Variants in ITSN1 observed in about 807,000 individuals in gnomAD.
The protein encoded by ITSN1 is intersectin-1.
A neutral mutation model predicts 239.8 loss-of-function variants in ITSN1; 58 were observed. That is an observed-to-expected ratio of 0.24 (90% CI 0.20 to 0.30). The LOEUF (loss-of-function observed/expected upper bound fraction) is 0.30. Among genes scored for constraint, ITSN1 ranks in the 10% least tolerant of loss-of-function variants. The pLI is 1.00. For missense variants in ITSN1, 1,558 were observed against 2,103.3 expected, an observed-to-expected ratio of 0.74 and a Z score of 5.07; for synonymous variants, 780 against 770.8, an observed-to-expected ratio of 1.01 and a Z score of -0.20.
intron 16 of ITSN1, among the ~76,000 whole-genome samples, chr21:33,789,806 A>AAACCTGAG (rs1188224724): frequency 6.6e-6 from 1 of 152,224 alleles, no homozygotes; most frequent in African/African-American, 2.4e-5. Flanking sequence ...CTTCTTCAGT[A>AAACCTGAG]AACCTGAGCC....
intron 5 of ITSN1, among the ~76,000 whole-genome samples, chr21:33,749,046 C>T (rs985718665): frequency 5.0e-4 from 75 of 149,270 alleles, no homozygotes; most frequent in African/African-American, 1.6e-3. Context: ...TGGAGTACTG[C>T]GGTGTGATTG....
chr21:33,784,662 A>G (rs1018624863), intron 16 of ITSN1, among the ~76,000 whole-genome samples: 1 of 152,254 alleles, frequency 6.6e-6, no homozygotes, highest in South Asian at 2.1e-4. Flanking sequence ...AAACAATTAA[A>G]TTGGAGAATC....
chr21:33,821,895 G>A (rs1477866755), intron 24 of ITSN1, among the ~76,000 whole-genome samples: 1 of 152,204 alleles, frequency 6.6e-6, no homozygotes, highest in Non-Finnish European at 1.5e-5. Flanking sequence ...AAATGAAAAG[G>A]GAAGGGTGAG....
intron 5 of ITSN1, among the ~76,000 whole-genome samples, chr21:33,737,431 G>A (rs1175958652): frequency 6.6e-6 from 1 of 152,098 alleles, no homozygotes; most frequent in East Asian, 1.9e-4. Context: ...GAAGTTACCA[G>A]TATATGATCT....
intron 1 of ITSN1, among the ~76,000 whole-genome samples, chr21:33,658,567 T>A (rs535734547): frequency 6.6e-6 from 1 of 152,332 alleles, no homozygotes; most frequent in East Asian, 1.9e-4. Context: ...TGTTACAATC[T>A]TACGGGACCA....
chr21:33,870,663 C>T (rs1982553856), intron 33 of ITSN1, among the ~76,000 whole-genome samples: 1 of 152,338 alleles, frequency 6.6e-6, no homozygotes, highest in African/African-American at 2.4e-5. Flanking sequence ...TAGTGGCTCA[C>T]ACCCATAATA....
At chr21:33,703,382 T>C (rs1394170771) in intron 1 of ITSN1, among the ~76,000 whole-genome samples, 2 of 152,132 alleles carry the variant, frequency 1.3e-5, no homozygotes, top group Non-Finnish European at 2.9e-5. Context: ...TGAAGAAAGA[T>C]TAAAGACTTC....
intron 6 of ITSN1, among the ~76,000 whole-genome samples, chr21:33,750,955 G>T (rs1018272087): frequency 5.9e-5 from 9 of 152,132 alleles, no homozygotes; most frequent in African/African-American, 1.2e-4. Flanking sequence ...TATTTTTAAA[G>T]TACTTTGACT....
rs542176990 is a variant in ITSN1 at position 33,744,795 on chromosome 21, A to G, written c.347-5348A>G. 9.9e-5 allele frequency among the ~76,000 whole-genome samples: 15 copies of G among 152,216 alleles called. 1 individual carries two copies. Among genetic ancestry groups the G allele is most frequent in the Non-Finnish European group, 2.2e-4 (15 of 68,030 alleles). ...AGAATGATAATGTGCCATGAATTAAAACTCAATAAATATTTGTAAATTTAT... is the reference window on the plus strand; with the variant it reads ...AGAATGATAATGTGCCATGAATTAAGACTCAATAAATATTTGTAAATTTAT... On this transcript the variant is annotated intron_variant, in intron 5 of 39. Coordinates refer to ENST00000381318, the MANE Select transcript of ITSN1 (RefSeq NM_003024.3).
chr21:33,659,104 C>T (rs1194869262), intron 1 of ITSN1, among the ~76,000 whole-genome samples: 1 of 152,196 alleles, frequency 6.6e-6, no homozygotes, highest in Non-Finnish European at 1.5e-5. Context: ...AAATTGAGTT[C>T]AGTCACGTGG....
At chr21:33,656,442 C>G (rs1051467431) in intron 1 of ITSN1, among the ~76,000 whole-genome samples, 2 of 152,178 alleles carry the variant, frequency 1.3e-5, no homozygotes, top group Non-Finnish European at 2.9e-5. Context: ...TGACCTCATG[C>G]AAAAACCAAT....
intron 1 of ITSN1, among the ~76,000 whole-genome samples, chr21:33,646,282 A>T (rs1204969189): frequency 6.6e-6 from 1 of 152,176 alleles, no homozygotes. Flanking sequence ...AAGATTCAGA[A>T]CAAAGCATTT....
intron 26 of ITSN1, chr21:33,828,877 G>A: frequency 2.2e-6 from 1 of 454,490 alleles, no homozygotes; most frequent in Non-Finnish European, 4.5e-6. Context: ...TTTCCCATGG[G>A]ACTTTTCACA....
chr21:33,784,092 T>C (rs2070424187), intron 16 of ITSN1, among the ~76,000 whole-genome samples: 1 of 152,188 alleles, frequency 6.6e-6, no homozygotes, highest in Non-Finnish European at 1.5e-5. Flanking sequence ...AATATGCTTA[T>C]TTTTAAATAA....
chr21:33,718,492 A>AT (rs2065296572), intron 1 of ITSN1, among the ~76,000 whole-genome samples: 1 of 152,214 alleles, frequency 6.6e-6, no homozygotes, highest in Non-Finnish European at 1.5e-5. Flanking sequence ...TCTAGAGATT[A>AT]TTTGAAGTAT....
Position 33,765,890 on chromosome 21 carries a change from T to C in ITSN1, c.804T>C (p.Ile268=). ...QLASIWNLSD[I]DQDGKLTAEE... is the part of the protein sequence containing the mutation. ...TGTTGAATAGGAATCTTTCTGACAT[T>C]GATCAAGATGGAAAACTTACAGCAG... The change falls in exon 10 of 40, where the codon ATT becomes ATC. Residue 268 remains isoleucine, a synonymous_variant. Coordinates refer to ENST00000381318, the MANE Select transcript of ITSN1 (RefSeq NM_003024.3). 6.2e-7 allele frequency: 1 copy of C among 1,614,162 alleles called. No individual in the cohort carries two copies. The highest frequency in any genetic ancestry group is 1.1e-5 in the South Asian group (1 of 91,082).
intron 19 of ITSN1, 94 bp from the exon 20 acceptor site, chr21:33,802,336 T>G: frequency 6.4e-4 from 779 of 1,210,754 alleles, no homozygotes; most frequent in Non-Finnish European, 8.5e-4. Context: ...ACCAGCTTGA[T>G]GAGATGCGTA....
At chr21:33,770,456 C>G (rs1043119358) in intron 11 of ITSN1, among the ~76,000 whole-genome samples, 1 of 152,144 alleles carries the variant, frequency 6.6e-6, no homozygotes, top group Admixed American at 6.5e-5. Context: ...TGAGGCGACA[C>G]AAACATTCAG....
chr21:33,869,412 C>T (rs1254369789), intron 33 of ITSN1, among the ~76,000 whole-genome samples: 2 of 152,206 alleles, frequency 1.3e-5, no homozygotes, highest in African/African-American at 4.8e-5. Context: ...TGGGGGAAGC[C>T]ACCCCAACGA....
Sources: gnomAD v4.1 joint callset for allele counts (sites outside exome capture counted in the v4.1 genomes callset) on GRCh38, gnomAD v4.1.1 for gene constraint, MANE v1.5 for transcripts, NCBI Gene and HGNC (gene_info 2026-07-23, HGNC 2026-07-21) for gene names.